The following AOPEP variants were observed in gnomAD, a reference collection of about 807,000 sequenced individuals.
AOPEP encodes the protein aminopeptidase O (putative).
AOPEP carries 77 observed loss-of-function variants against 98.1 expected under a neutral mutation model. That is an observed-to-expected ratio of 0.78 (90% CI 0.65 to 0.95). The LOEUF (loss-of-function observed/expected upper bound fraction) is 0.95, where lower values mean the gene tolerates loss of function less well. AOPEP is among the 40% of genes least tolerant of loss of function. The pLI is 0.00. For missense variants in AOPEP, 1,024 were observed against 1,024.7 expected, an observed-to-expected ratio of 1.00 and a Z score of 0.01; for synonymous variants, 346 against 365.3, an observed-to-expected ratio of 0.95 and a Z score of 0.60.
Position 94,984,035 on chromosome 9 carries a change from A to AT in AOPEP, c.1977+4624dup, listed in dbSNP as rs11334862. Among the ~76,000 whole-genome samples, 331 of 142,644 alleles carry AT rather than the reference A, an allele frequency of 2.3e-3. 2 individuals carry two copies. Among genetic ancestry groups the AT allele is most frequent in the Middle Eastern group, 3.6e-3 (1 of 278 alleles). 93.6% of individuals were successfully genotyped at this position (142,644 alleles called of 152,430 possible). A position where few individuals can be genotyped will look rare whatever the true frequency, so the allele number is the denominator to read the frequency against. On this transcript the variant is annotated intron_variant, in intron 11 of 16. Transcript: ENST00000375315. ...TATATCGAAAGCACCTGAGGAGCTA[A>AT]TTTTTTTTTTTTTTTTGAGACGGAA... is the stretch of plus-strand genomic sequence containing the variant.
intron 2 of AOPEP, among the ~76,000 whole-genome samples, chr9:94,761,691 G>T (rs976533121): frequency 2.0e-5 from 3 of 152,144 alleles, no homozygotes; most frequent in African/African-American, 7.2e-5. Flanking sequence ...CTCTCACCCT[G>T]CTCAGAATGA....
At chr9:94,766,663 C>G (rs953047724) in intron 2 of AOPEP, among the ~76,000 whole-genome samples, 2 of 152,108 alleles carry the variant, frequency 1.3e-5, no homozygotes, top group Non-Finnish European at 2.9e-5. Context: ...GATGACATCA[C>G]TGAATTTGAA....
chr9:94,747,953 TAAA>T lies in AOPEP; in HGVS notation c.-135-11691_-135-11689del, dbSNP rs548409557. 6.7e-3 allele frequency among the ~76,000 whole-genome samples: 1,015 copies of T among 152,126 alleles called. 7 individuals carry two copies. The highest frequency in any genetic ancestry group is 0.024 in the African/African-American group (978 of 41,520). ...ATTTATTTTGAAATAGAATAATAAA[TAAA>T]AAAATAGGAAATTCCAATCTTGAAT... On this transcript the variant is annotated intron_variant, in intron 1 of 16. Coordinates refer to ENST00000375315, the MANE Select transcript of AOPEP (RefSeq NM_001193329.3).
intron 5 of AOPEP, among the ~76,000 whole-genome samples, chr9:94,897,756 C>T (rs1043061029): frequency 5.9e-5 from 9 of 151,754 alleles, no homozygotes; most frequent in African/African-American, 1.9e-4. Flanking sequence ...AACTGCCATT[C>T]TCATTTGTTT....
At chr9:94,868,815 T>TTTA (rs1262863887) in intron 5 of AOPEP, among the ~76,000 whole-genome samples, 5 of 152,242 alleles carry the variant, frequency 3.3e-5, no homozygotes, top group African/African-American at 1.2e-4. Flanking sequence ...CATGTGTATC[T>TTTA]TTATTATTTT....
chr9:94,812,654 A>C lies in AOPEP; in HGVS notation c.1364+11652A>C, dbSNP rs533643980. ...GTGTCAGAGAATGTAGGAGAAGCAGAGTAAGGGAGAGAAATGGCATTCACT... is the reference window on the plus strand; with the variant it reads ...GTGTCAGAGAATGTAGGAGAAGCAGCGTAAGGGAGAGAAATGGCATTCACT... On this transcript the variant is annotated intron_variant, in intron 5 of 16. Coordinates refer to ENST00000375315, the MANE Select transcript of AOPEP (RefSeq NM_001193329.3). 7.9e-5 allele frequency among the ~76,000 whole-genome samples: 12 copies of C among 152,238 alleles called. No homozygotes were observed. In the East Asian group the frequency reaches 1.9e-3, roughly 25 times the overall value.
chr9:95,016,264 T>G (rs2062984622), intron 13 of AOPEP, among the ~76,000 whole-genome samples: 4 of 149,222 alleles, frequency 2.7e-5, no homozygotes, highest in Admixed American at 6.7e-5. Flanking sequence ...TTTTTTTTTT[T>G]GAAACGTATT....
At chr9:94,989,221 C>T (rs923620804) in intron 11 of AOPEP, among the ~76,000 whole-genome samples, 1 of 152,058 alleles carries the variant, frequency 6.6e-6, no homozygotes, top group Admixed American at 6.5e-5. Flanking sequence ...CCCACCTCAG[C>T]CTCCCGAGTA....
intron 13 of AOPEP, chr9:95,021,605 G>A (rs1030990275): frequency 1.1e-4 from 16 of 152,246 alleles, no homozygotes; most frequent in Admixed American, 8.5e-4. Context: ...GCTTGTGTGG[G>A]TGTGTGTGCA....
downstream of AOPEP, among the ~76,000 whole-genome samples, chr9:95,088,411 G>A (rs1409666076): frequency 6.6e-6 from 1 of 152,062 alleles, no homozygotes; most frequent in Non-Finnish European, 1.5e-5. Context: ...GTTTCACCAC[G>A]TTGGTCAGGC....
chr9:94,829,785 G>A (rs145054384), intron 5 of AOPEP, among the ~76,000 whole-genome samples: 2 of 152,186 alleles, frequency 1.3e-5, no homozygotes, highest in Non-Finnish European at 2.9e-5. Context: ...TCCCTGAATA[G>A]GGAGGGAACA....
the AOPEP span, among the ~76,000 whole-genome samples, chr9:95,109,982 A>G: frequency 6.6e-6 from 1 of 152,204 alleles, no homozygotes; most frequent in South Asian, 2.1e-4. Context: ...GGCACCAGCA[A>G]GGAAGGGGCT....
intron 2 of AOPEP, among the ~76,000 whole-genome samples, chr9:94,765,600 T>C (rs1177651999): frequency 6.6e-6 from 1 of 151,714 alleles, no homozygotes; most frequent in Non-Finnish European, 1.5e-5. Context: ...AGACCCCGTC[T>C]TGAAAAAAAA....
At chr9:94,908,881 C>T (rs1196919396) in intron 5 of AOPEP, among the ~76,000 whole-genome samples, 1 of 152,184 alleles carries the variant, frequency 6.6e-6, no homozygotes, top group East Asian at 1.9e-4. Context: ...TGATAAATAA[C>T]AGACATGTTC....
chr9:94,755,759 A>C (rs1836885174), intron 1 of AOPEP, among the ~76,000 whole-genome samples: 1 of 152,258 alleles, frequency 6.6e-6, no homozygotes, highest in African/African-American at 2.4e-5. Context: ...GAAAAGCATC[A>C]GCAAGTGGGA....
intron 9 of AOPEP, among the ~76,000 whole-genome samples, chr9:94,957,274 C>G (rs890956357): frequency 6.6e-6 from 1 of 152,126 alleles, no homozygotes; most frequent in African/African-American, 2.4e-5. Context: ...GTGGTGCGAT[C>G]GCGGCTCACT....
At chr9:94,865,240 C>T (rs977872940) in intron 5 of AOPEP, among the ~76,000 whole-genome samples, 2 of 151,576 alleles carry the variant, frequency 1.3e-5, no homozygotes, top group African/African-American at 4.8e-5. Context: ...ATATTTAAAA[C>T]AAATGAGGAC....
At chr9:95,132,203 C>T in the AOPEP span, among the ~76,000 whole-genome samples, 5 of 152,284 alleles carry the variant, frequency 3.3e-5, no homozygotes, top group Non-Finnish European at 5.9e-5. Flanking sequence ...GGGTACCTTC[C>T]GGCCCTGGCA....
intron 5 of AOPEP, among the ~76,000 whole-genome samples, chr9:94,827,718 C>T (rs1452723995): frequency 1.3e-5 from 2 of 151,962 alleles, no homozygotes; most frequent in African/African-American, 2.4e-5. Context: ...GAAACCAGGC[C>T]CCAGCAGAAA....
Sources: gnomAD v4.1 joint callset for allele counts (sites outside exome capture counted in the v4.1 genomes callset) on GRCh38, gnomAD v4.1.1 for gene constraint, MANE v1.5 for transcripts, NCBI Gene and HGNC (gene_info 2026-07-23, HGNC 2026-07-21) for gene names.